Variants in PTPRA observed in about 807,000 individuals in gnomAD.
The protein encoded by PTPRA is protein tyrosine phosphatase receptor type A.
In PTPRA, 25 loss-of-function variants were observed where a neutral mutation model predicts 104.8. That is an observed-to-expected ratio of 0.24 (90% CI 0.17 to 0.33). PTPRA has a LOEUF of 0.33. Ranked by LOEUF, PTPRA falls within the 10% of genes least tolerant of loss-of-function variation. The probability of loss-of-function intolerance (pLI) is 1.00; values close to 1 mark genes in which losing one functional copy is unlikely to be tolerated. For missense variants in PTPRA, 765 were observed against 1,015.3 expected (o/e 0.75, Z 3.35); for synonymous variants, 323 against 368.9 (o/e 0.88, Z 1.43).
intron 1 of PTPRA, among the ~76,000 whole-genome samples, chr20:2,897,906 CTTTTTTT>C (rs34328077): frequency 2.4e-5 from 2 of 83,708 alleles, no homozygotes; most frequent in African/African-American, 1.2e-4. Flanking sequence ...CCTCATCATT[CTTTTTTT>C]TTTTTTTTTT....
chr20:2,969,589 TCA>T (rs2062084081), intron 5 of PTPRA, among the ~76,000 whole-genome samples: 1 of 139,490 alleles, frequency 7.2e-6, no homozygotes, highest in Admixed American at 7.1e-5. Context: ...GCGCGGCGGC[TCA>T]TGCCTGTAAT....
intron 1 of PTPRA, among the ~76,000 whole-genome samples, chr20:2,875,734 G>T (rs1390790182): frequency 6.6e-6 from 1 of 152,166 alleles, no homozygotes; most frequent in Non-Finnish European, 1.5e-5. Flanking sequence ...CTACTCTACA[G>T]GGTTGGAAAC....
At chr20:2,925,438 C>G (rs1175179796) in intron 2 of PTPRA, among the ~76,000 whole-genome samples, 1 of 152,164 alleles carries the variant, frequency 6.6e-6, no homozygotes, top group East Asian at 1.9e-4. Flanking sequence ...TATGTTTATA[C>G]CACTTTATGT....
chr20:2,968,410 T>G (rs543740858), intron 5 of PTPRA, among the ~76,000 whole-genome samples: 1 of 152,258 alleles, frequency 6.6e-6, no homozygotes, highest in South Asian at 2.1e-4. Flanking sequence ...CGTTCATTAT[T>G]ATGGATACTT....
intron 1 of PTPRA, among the ~76,000 whole-genome samples, chr20:2,918,369 A>G (rs1053513381): frequency 2.0e-5 from 3 of 152,206 alleles, no homozygotes; most frequent in Non-Finnish European, 4.4e-5. Flanking sequence ...TTTACAAAAT[A>G]GATCAGGAGA....
intron 2 of PTPRA, among the ~76,000 whole-genome samples, chr20:2,933,586 A>G (rs1196948065): frequency 6.6e-6 from 1 of 151,478 alleles, no homozygotes; most frequent in African/African-American, 2.4e-5. Flanking sequence ...TCAGCCTCCC[A>G]AGTAGCTGGG....
intron 1 of PTPRA, among the ~76,000 whole-genome samples, chr20:2,909,753 CATAATAT>C (rs1226448511): frequency 1.5e-5 from 2 of 134,276 alleles, no homozygotes; most frequent in Admixed American, 8.1e-5. Context: ...TTATATATTA[CATAATAT>C]ATAATATATA....
intron 6 of PTPRA, 66 bp downstream of exon 6, chr20:2,975,307 G>A: frequency 5.0e-6 from 7 of 1,386,956 alleles, no homozygotes; most frequent in Non-Finnish European, 6.9e-6. Context: ...TATTTCCTCT[G>A]CTCACAGTCT....
intron 1 of PTPRA, among the ~76,000 whole-genome samples, chr20:2,886,196 T>G (rs2090374209): frequency 1.3e-5 from 2 of 152,206 alleles, no homozygotes; most frequent in African/African-American, 4.8e-5. Context: ...TGAAAACCAC[T>G]TGTATATTAG....
intron 1 of PTPRA, among the ~76,000 whole-genome samples, chr20:2,910,107 T>TAA (rs1369913491): frequency 3.3e-5 from 4 of 120,196 alleles, no homozygotes; most frequent in Admixed American, 2.0e-4. Flanking sequence ...AACATATATA[T>TAA]AATATATGAT....
At chr20:2,913,838 A>G (rs1470432071) in intron 1 of PTPRA, among the ~76,000 whole-genome samples, 1 of 152,122 alleles carries the variant, frequency 6.6e-6, no homozygotes, top group Admixed American at 6.5e-5. Flanking sequence ...CTTTGAGACA[A>G]TGTAAGTATC....
chr20:3,017,129 T>C (rs2064504741), intron 12 of PTPRA, among the ~76,000 whole-genome samples: 1 of 152,240 alleles, frequency 6.6e-6, no homozygotes, highest in African/African-American at 2.4e-5. Flanking sequence ...CAGAAGTATA[T>C]ATCTTCTCTC....
Position 3,015,303 on chromosome 20 carries a change from CTTTTTTT to C in PTPRA, c.907-536_907-530del, listed in dbSNP as rs778457233. Among the ~76,000 whole-genome samples the C allele has an allele frequency of 2.6e-4, 35 of 134,642 alleles. No individual in the cohort carries two copies. The East Asian group carries it at 4.4e-3, about 17-fold the overall frequency. The allele number at this position is 134,642 out of a possible 152,430, so 88.3% of individuals were successfully genotyped here. A position where few individuals can be genotyped will look rare whatever the true frequency, so the allele number is the denominator to read the frequency against. On this transcript the variant is annotated intron_variant, in intron 11 of 23. Transcript: ENST00000399903. Reference sequence around the variant, plus strand: ...ATTTCTTTTTTCTTTCTTTCTTTTTCTTTTTTTTTTTTTTTTGGAGATGGAGTCTTGC... The same window carrying C: ...ATTTCTTTTTTCTTTCTTTCTTTTTCTTTTTTTTTGGAGATGGAGTCTTGC...
chr20:2,903,923 T>C (rs2059323127), intron 1 of PTPRA, among the ~76,000 whole-genome samples: 1 of 152,062 alleles, frequency 6.6e-6, no homozygotes, highest in African/African-American at 2.4e-5. Context: ...TTTTTTTTTT[T>C]TGAGACTGGA....
chr20:2,908,342 A>G (rs1433154230), intron 1 of PTPRA, among the ~76,000 whole-genome samples: 1 of 152,192 alleles, frequency 6.6e-6, no homozygotes, highest in Non-Finnish European at 1.5e-5. Context: ...TTTTTTTTCA[A>G]TAAATACAAT....
chr20:3,022,241 G>C lies in PTPRA; in HGVS notation c.1328+21G>C. On this transcript the variant is annotated intron_variant, in intron 15 of 23. Coordinates refer to ENST00000399903, the MANE Select transcript of PTPRA (RefSeq NM_001385305.1). The surrounding 1 kb of genome is among the most constrained non-coding windows in gnomAD (Gnocchi z 4.6). ...TGCAGGTCAGTGTGGCCTGACCCTT[G>C]TACCCCCACCCCCACATTTCGCCCC... is the stretch of plus-strand genomic sequence containing the variant. 1 of 1,612,688 alleles carries C rather than the reference G, an allele frequency of 6.2e-7. No homozygotes were observed. Among genetic ancestry groups the C allele is most frequent in the Non-Finnish European group, 8.5e-7 (1 of 1,179,036 alleles).
rs935392520 is a variant in PTPRA, at chr20:3,022,403, G to A, written c.1328+183G>A. Among the ~76,000 whole-genome samples the A allele has an allele frequency of 2.0e-5, 3 of 152,242 alleles. No homozygotes were observed. Among genetic ancestry groups the A allele is most frequent in the Non-Finnish European group, 4.4e-5 (3 of 68,038 alleles). On this transcript the variant is annotated intron_variant, in intron 15 of 23. Coordinates refer to ENST00000399903, the MANE Select transcript of PTPRA (RefSeq NM_001385305.1). The surrounding 1 kb of genome is among the most constrained non-coding windows in gnomAD (Gnocchi z 4.6). Reference sequence around the variant, plus strand: ...GGGTGGAGAATATGACTTGAGGAAGGAGGGTAGGGCAGTCCTCCAAGATTA... The same window carrying A: ...GGGTGGAGAATATGACTTGAGGAAGAAGGGTAGGGCAGTCCTCCAAGATTA...
intron 20 of PTPRA, among the ~76,000 whole-genome samples, chr20:3,031,717 G>A (rs890187936): frequency 6.6e-6 from 1 of 151,984 alleles, no homozygotes; most frequent in Non-Finnish European, 1.5e-5. Context: ...AGTTATTGAT[G>A]CCTCCACTTT....
intron 3 of PTPRA, among the ~76,000 whole-genome samples, chr20:2,958,844 C>CAGAAA (rs1164247922): frequency 2.1e-5 from 1 of 46,854 alleles, no homozygotes; most frequent in South Asian, 6.8e-4. Flanking sequence ...GAGACTGTAT[C>CAGAAA]AAAAAAAAAA....
Sources: allele counts gnomAD v4.1 joint callset (sites outside exome capture counted in the v4.1 genomes callset), GRCh38; gene constraint gnomAD v4.1.1; non-coding constraint Gnocchi (gnomAD v3.1); transcripts MANE v1.5; gene names NCBI Gene and HGNC (gene_info 2026-07-23, HGNC 2026-07-21).